The following ITFG1 variants were observed in gnomAD, a reference collection of about 807,000 sequenced individuals.
ITFG1 encodes T-cell immunomodulatory protein.
ITFG1 carries 34 observed loss-of-function variants against 81.8 expected under a neutral mutation model. That is an observed-to-expected ratio of 0.42 (90% CI 0.32 to 0.55). The LOEUF (loss-of-function observed/expected upper bound fraction) is 0.55, where lower values mean the gene tolerates loss of function less well. ITFG1 is among the 20% of genes least tolerant of loss of function. ITFG1 has a pLI of 0.17. For synonymous variants in ITFG1, 285 were observed against 270.6 expected (o/e 1.05, Z -0.52); for missense variants, 672 against 755.4 (o/e 0.89, Z 1.29).
At chr16:47,189,257 A>C (rs1162643399) in intron 14 of ITFG1, among the ~76,000 whole-genome samples, 1 of 152,174 alleles carries the variant, frequency 6.6e-6, no homozygotes, top group Non-Finnish European at 1.5e-5. Context: ...TTTACAGTGT[A>C]CAATTCAGTG....
At chr16:47,188,658 AT>A (rs1373844518) in intron 14 of ITFG1, among the ~76,000 whole-genome samples, 1 of 149,406 alleles carries the variant, frequency 6.7e-6, no homozygotes, top group African/African-American at 2.5e-5. Flanking sequence ...ATTGGGAGAT[AT>A]ACCTAATGCT....
At chr16:47,422,680 G>C (rs1968966641) in intron 6 of ITFG1, among the ~76,000 whole-genome samples, 1 of 152,130 alleles carries the variant, frequency 6.6e-6, no homozygotes, top group Non-Finnish European at 1.5e-5. Flanking sequence ...CCTGTTATCG[G>C]TCTATTCAGA....
At chr16:47,334,371 T>C (rs1188447966) in intron 8 of ITFG1, among the ~76,000 whole-genome samples, 1 of 152,096 alleles carries the variant, frequency 6.6e-6, no homozygotes, top group African/African-American at 2.4e-5. Context: ...GAGGCTGCAG[T>C]GAGCCATGAT....
intron 10 of ITFG1, among the ~76,000 whole-genome samples, chr16:47,291,326 T>C (rs1309305393): frequency 6.6e-6 from 1 of 152,208 alleles, no homozygotes; most frequent in Non-Finnish European, 1.5e-5. Context: ...TGTTTTGCTG[T>C]TCTTTTTTGC....
chr16:47,218,402 T>C (rs1383065570), intron 14 of ITFG1: 2 of 152,120 alleles, frequency 1.3e-5, no homozygotes, highest in African/African-American at 4.8e-5. Flanking sequence ...TATTTAAATG[T>C]ATAACCAGAT....
chr16:47,343,781 T>C (rs1162611430), intron 8 of ITFG1, among the ~76,000 whole-genome samples: 2 of 152,234 alleles, frequency 1.3e-5, no homozygotes, highest in Non-Finnish European at 2.9e-5. Context: ...ATTATAGAAA[T>C]AGTTTTTAGT....
At chr16:47,387,730 G>T (rs1393463506) in intron 6 of ITFG1, among the ~76,000 whole-genome samples, 1 of 152,114 alleles carries the variant, frequency 6.6e-6, no homozygotes, top group Non-Finnish European at 1.5e-5. Flanking sequence ...ATTTCGGAGG[G>T]AAGACTGTGC....
chr16:47,212,297 T>C (rs1965572581), intron 14 of ITFG1, among the ~76,000 whole-genome samples: 2 of 152,236 alleles, frequency 1.3e-5, no homozygotes, highest in Non-Finnish European at 2.9e-5. Context: ...CACTGTAACC[T>C]TGACCTCCAG....
At chr16:47,399,632 A>G (rs1968635579) in intron 6 of ITFG1, among the ~76,000 whole-genome samples, 1 of 152,164 alleles carries the variant, frequency 6.6e-6, no homozygotes, top group African/African-American at 2.4e-5. Flanking sequence ...CAGCTACAAT[A>G]AATTCTCCCT....
intron 13 of ITFG1, among the ~76,000 whole-genome samples, chr16:47,236,224 C>T (rs1017856948): frequency 2.0e-5 from 3 of 152,058 alleles, no homozygotes; most frequent in African/African-American, 7.2e-5. Flanking sequence ...GCCTGTAATC[C>T]CAGCACTTTG....
At chr16:47,331,126 T>G (rs1052545324) in intron 8 of ITFG1, among the ~76,000 whole-genome samples, 5 of 152,122 alleles carry the variant, frequency 3.3e-5, no homozygotes, top group Non-Finnish European at 4.4e-5. Context: ...AATGGAATAC[T>G]ATGTAGCCAT....
At chr16:47,315,836 G>C (rs1008742495) in intron 8 of ITFG1, among the ~76,000 whole-genome samples, 1 of 149,358 alleles carries the variant, frequency 6.7e-6, no homozygotes, top group African/African-American at 2.6e-5. Context: ...TGCCGCTCAG[G>C]CTGGAGTGCA....
intron 10 of ITFG1, among the ~76,000 whole-genome samples, chr16:47,300,186 C>A (rs769257529): frequency 6.6e-6 from 1 of 152,214 alleles, no homozygotes; most frequent in Admixed American, 6.5e-5. Flanking sequence ...ACTCCCAGTT[C>A]CTGGCCCACT....
chr16:47,441,827 C>T (rs1969255056), intron 5 of ITFG1, among the ~76,000 whole-genome samples: 1 of 152,022 alleles, frequency 6.6e-6, no homozygotes, highest in African/African-American at 2.4e-5. Context: ...AAGTTCTGGC[C>T]AGGGCAATCA....
At chr16:47,179,186 A>G (rs1965068004) in intron 14 of ITFG1, among the ~76,000 whole-genome samples, 1 of 152,246 alleles carries the variant, frequency 6.6e-6, no homozygotes, top group South Asian at 2.1e-4. Flanking sequence ...TCAAGGATCT[A>G]GAACTAGAAA....
intron 14 of ITFG1, among the ~76,000 whole-genome samples, chr16:47,179,753 G>GA (rs1427847032): frequency 6.6e-6 from 1 of 152,206 alleles, no homozygotes; most frequent in Non-Finnish European, 1.5e-5. Flanking sequence ...GCTCCAGAAA[G>GA]AAAGATCTTA....
intron 14 of ITFG1, chr16:47,202,217 A>G (rs1248749110): frequency 6.6e-6 from 1 of 152,232 alleles, no homozygotes; most frequent in Non-Finnish European, 1.5e-5. Context: ...TCCGAATAAA[A>G]GTTGAGATGA....
intron 8 of ITFG1, among the ~76,000 whole-genome samples, chr16:47,315,439 T>C (rs1967338483): frequency 6.6e-6 from 1 of 152,200 alleles, no homozygotes. Flanking sequence ...TGTAAATTAA[T>C]GGGAGAACAA....
chr16:47,255,812 T>A (rs1029897609), intron 12 of ITFG1, among the ~76,000 whole-genome samples: 1 of 152,038 alleles, frequency 6.6e-6, no homozygotes, highest in Non-Finnish European at 1.5e-5. Context: ...ATGACACAAA[T>A]AAATAAGCCT....
Sources: allele counts gnomAD v4.1 joint callset (sites outside exome capture counted in the v4.1 genomes callset), GRCh38; gene constraint gnomAD v4.1.1; transcripts MANE v1.5; gene names NCBI Gene and HGNC (gene_info 2026-07-23, HGNC 2026-07-21).